CHODL: variants seen among roughly 807,000 people sequenced by gnomAD.
The protein encoded by CHODL is transmembrane protein MT75.
CHODL carries 29 observed loss-of-function variants against 34.5 expected under a neutral mutation model. That is an observed-to-expected ratio of 0.84 (90% CI 0.63 to 1.15). CHODL has a LOEUF of 1.15. Among genes scored for constraint, CHODL ranks in the 50% most tolerant of loss-of-function variants. CHODL has a pLI of 0.00. For synonymous variants in CHODL, 125 were observed against 116.1 expected (o/e 1.08, Z -0.49); for missense variants, 332 against 332.5 (o/e 1.00, Z 0.01).
At position 18,195,027 on chromosome 21, in the gene CHODL, CATTATTTA is replaced by C. The variant is rs1438578718; in HGVS notation, c.-44-61481_-44-61474del. ...ACAATACATTGTTATTAATACAATA[CATTATTTA>C]TTTATTTATTTATTTATTTATTTAT... On this transcript the variant is annotated intron_variant, in intron 2 of 6. Transcript: ENST00000400127. Among the ~76,000 whole-genome samples the C allele has an allele frequency of 1.0e-3, 140 of 135,706 alleles. 2 individuals carry two copies. Among genetic ancestry groups the C allele is most frequent in the African/African-American group, 2.0e-3 (71 of 36,218 alleles). 89.0% of individuals were successfully genotyped at this position (135,706 alleles called of 152,430 possible).
chr21:18,139,924 C>T (rs2072781306), intron 2 of CHODL, among the ~76,000 whole-genome samples: 1 of 152,110 alleles, frequency 6.6e-6, no homozygotes, highest in African/African-American at 2.4e-5. Flanking sequence ...TTTGAGAGAA[C>T]TGAGGAAATA....
Position 18,245,233 on chromosome 21 carries a change from G to A in CHODL, c.10G>A (p.Val4Met). Reference sequence around the variant, plus strand: ...CTGCCACCGCGCCGCGATGAGCCGCGTGGTCTCGCTGCTGCTGGGCGCCGC... The same window carrying A: ...CTGCCACCGCGCCGCGATGAGCCGCATGGTCTCGCTGCTGCTGGGCGCCGC... Reference protein sequence around the residue: MSRVVSLLLGAALL... With the variant: MSRMVSLLLGAALL... The change falls in exon 1 of 6, where the codon GTG (valine) becomes ATG (methionine). Residue 4 changes from valine (V) to methionine (M), a missense_variant. Transcript: ENST00000299295. The A allele has an allele frequency of 6.6e-7, 1 of 1,516,222 alleles. No individual in the cohort carries two copies. Among genetic ancestry groups the A allele is most frequent in the Non-Finnish European group, 8.8e-7 (1 of 1,138,456 alleles). 93.9% of individuals were successfully genotyped at this position (1,516,222 alleles called of 1,614,324 possible). A position where few individuals can be genotyped will look rare whatever the true frequency, so the allele number is the denominator to read the frequency against.
chr21:18,183,390 T>C (rs910355649), intron 2 of CHODL, among the ~76,000 whole-genome samples: 2 of 152,212 alleles, frequency 1.3e-5, no homozygotes, highest in African/African-American at 4.8e-5. Context: ...TGGCAAACTG[T>C]CTTCTACCAT....
chr21:18,245,116 A>C lies in CHODL; in HGVS notation c.-108A>C. On this transcript the variant is annotated 5_prime_UTR_variant, in exon 1 of 6. An upstream open reading frame in the 5' UTR loses its in-frame stop. Transcript: ENST00000299295. ...GCAGCTGGGCTCGGGCGGCGGGAGTAGGGCCCGGCAGGGAGGCAGGGAGGC... is the reference window on the plus strand; with the variant it reads ...GCAGCTGGGCTCGGGCGGCGGGAGTCGGGCCCGGCAGGGAGGCAGGGAGGC... 7.6e-6 allele frequency: 7 copies of C among 923,744 alleles called. No homozygotes were observed. Among genetic ancestry groups the C allele is most frequent in the Non-Finnish European group, 1.1e-5 (7 of 659,132 alleles). 57.2% of individuals were successfully genotyped at this position (923,744 alleles called of 1,614,324 possible).
At chr21:17,932,346 C>T (rs116933515) in intron 1 of CHODL, among the ~76,000 whole-genome samples, 63 of 152,270 alleles carry the variant, frequency 4.1e-4, no homozygotes, top group Non-Finnish European at 7.9e-4. Context: ...AACACTTATA[C>T]ACTGTTTGTG....
intron 2 of CHODL, among the ~76,000 whole-genome samples, chr21:18,109,622 GT>G (rs1206526833): frequency 2.0e-5 from 3 of 151,822 alleles, no homozygotes; most frequent in Non-Finnish European, 4.4e-5. Context: ...TTACATGCTT[GT>G]TTTTTTTCCC....
At chr21:18,125,448 C>T (rs1264850810) in intron 2 of CHODL, among the ~76,000 whole-genome samples, 3 of 151,846 alleles carry the variant, frequency 2.0e-5, no homozygotes, top group Non-Finnish European at 4.4e-5. Flanking sequence ...TAAAATCATA[C>T]AACAACTAGA....
chr21:17,934,336 G>A (rs907612715), intron 1 of CHODL, among the ~76,000 whole-genome samples: 8 of 151,930 alleles, frequency 5.3e-5, no homozygotes, highest in African/African-American at 1.9e-4. Context: ...ACATCCGAAA[G>A]CTCTAGAATT....
chr21:18,260,561 C>A (rs2074368168), intron 4 of CHODL, among the ~76,000 whole-genome samples: 1 of 152,024 alleles, frequency 6.6e-6, no homozygotes, highest in Non-Finnish European at 1.5e-5. Context: ...ACCTGTAATC[C>A]CAAGAATTTG....
chr21:17,931,658 A>G (rs1473134563), intron 1 of CHODL, among the ~76,000 whole-genome samples: 1 of 152,224 alleles, frequency 6.6e-6, no homozygotes, highest in African/African-American at 2.4e-5. Flanking sequence ...AAATCAGGAA[A>G]ACAATGTAGC....
intron 2 of CHODL, among the ~76,000 whole-genome samples, chr21:18,178,924 C>G (rs1051245235): frequency 3.3e-5 from 5 of 152,094 alleles, no homozygotes; most frequent in South Asian, 2.1e-4. Context: ...TACACATACC[C>G]TATTTGTTTA....
Position 17,927,210 on chromosome 21 carries a change from A to G in CHODL, c.-145+9810A>G, listed in dbSNP as rs183297375. On this transcript the variant is annotated intron_variant, in intron 1 of 6. Coordinates refer to the CHODL transcript ENST00000400127. ...TGTATATGTATGTATGTGTGTGTGT[A>G]TATATATATATCCCAGAGTTGAAGA... Among the ~76,000 whole-genome samples the G allele has an allele frequency of 4.5e-3, 671 of 147,704 alleles. 5 individuals carry two copies. The highest frequency in any genetic ancestry group is 0.012 in the African/African-American group (459 of 39,030).
chr21:17,946,046 A>C (rs1351059264), intron 1 of CHODL, among the ~76,000 whole-genome samples: 1 of 152,168 alleles, frequency 6.6e-6, no homozygotes, highest in Non-Finnish European at 1.5e-5. Context: ...AAGGTTGTTG[A>C]ATTCAAGTTC....
intron 1 of CHODL, among the ~76,000 whole-genome samples, chr21:17,978,723 GAAAAAAAAAGA>G (rs1231450554): frequency 1.2e-4 from 7 of 56,128 alleles, no homozygotes; most frequent in South Asian, 4.4e-4. Flanking sequence ...TCTCAAAAAA[GAAAAAAAAAGA>G]AAAAAAAAAA....
chr21:17,962,543 C>T (rs893789369), intron 1 of CHODL, among the ~76,000 whole-genome samples: 4 of 152,172 alleles, frequency 2.6e-5, no homozygotes, highest in Non-Finnish European at 5.9e-5. Flanking sequence ...AGGGTGGCTC[C>T]GTGACCATCT....
intron 4 of CHODL, among the ~76,000 whole-genome samples, chr21:18,262,338 G>A (rs1034849738): frequency 6.6e-6 from 1 of 152,164 alleles, no homozygotes; most frequent in African/African-American, 2.4e-5. Context: ...ACATCATAGA[G>A]TGTACTTGAA....
intron 1 of CHODL, among the ~76,000 whole-genome samples, chr21:18,001,138 A>G (rs748639503): frequency 2.6e-5 from 4 of 152,238 alleles, no homozygotes; most frequent in Non-Finnish European, 4.4e-5. Flanking sequence ...TGGGTGTGGA[A>G]CCACAGGACT....
chr21:18,091,196 G>T (rs964592367), intron 2 of CHODL, among the ~76,000 whole-genome samples: 19 of 152,226 alleles, frequency 1.2e-4, no homozygotes, highest in African/African-American at 4.6e-4. Context: ...CCAGCAATTG[G>T]AACTTCAGTT....
At chr21:18,090,384 A>G (rs1432920828) in intron 2 of CHODL, among the ~76,000 whole-genome samples, 1 of 152,190 alleles carries the variant, frequency 6.6e-6, no homozygotes, top group Non-Finnish European at 1.5e-5. Flanking sequence ...AAGCCCTGCC[A>G]GGGTGCTAAA....
Sources: allele counts gnomAD v4.1 joint callset (sites outside exome capture counted in the v4.1 genomes callset), GRCh38; gene constraint gnomAD v4.1.1; transcripts MANE v1.5; gene names NCBI Gene and HGNC (gene_info 2026-07-23, HGNC 2026-07-21).